ZCCHC4: variants seen among roughly 807,000 people sequenced by gnomAD.
The protein encoded by ZCCHC4 is zinc finger CCHC-type containing 4, also known as rRNA N(6)-adenosine-methyltransferase ZCCHC4.
In ZCCHC4, 54 loss-of-function variants were observed where a neutral mutation model predicts 67.7. That is an observed-to-expected ratio of 0.80 (90% CI 0.64 to 1.00). The LOEUF (loss-of-function observed/expected upper bound fraction) is 1.00, where lower values mean the gene tolerates loss of function less well. Ranked by LOEUF, ZCCHC4 falls within the 50% of genes least tolerant of loss-of-function variation. ZCCHC4 has a pLI of 0.00. For synonymous variants in ZCCHC4, 198 were observed against 213.5 expected, an observed-to-expected ratio of 0.93 and a Z score of 0.63; for missense variants, 609 against 617.0, an observed-to-expected ratio of 0.99 and a Z score of 0.14.
rs758313567 is a variant in ZCCHC4, at chr4:25,359,217, G to A, written c.1012-2642G>A. On this transcript the variant is annotated intron_variant, in intron 8 of 12. Transcript: ENST00000302874. This position sits in a 1 kb window ranked among gnomAD's most constrained non-coding sequence, Gnocchi z 4.9. The stretch of plus-strand genomic sequence containing the variant: ...AGCTAGAAATGCAGAGCACTGAGAA[G>A]GAATGAGCTTTTGCCAGCAGAGTTG... Among the ~76,000 whole-genome samples the A allele has an allele frequency of 6.6e-6, 1 of 152,162 alleles. No homozygotes were observed. Among genetic ancestry groups the A allele is most frequent in the Non-Finnish European group, 1.5e-5 (1 of 68,032 alleles).
chr4:25,363,853 A>T (rs573034861), intron 10 of ZCCHC4, among the ~76,000 whole-genome samples: 1 of 152,276 alleles, frequency 6.6e-6, no homozygotes, highest in East Asian at 1.9e-4. Flanking sequence ...AAGAGGTGTT[A>T]TTTGGAGGGG....
chr4:25,337,142 T>G (rs909959980), intron 5 of ZCCHC4, among the ~76,000 whole-genome samples: 4 of 152,226 alleles, frequency 2.6e-5, no homozygotes, highest in African/African-American at 9.6e-5. Context: ...GAATCAAAAC[T>G]GGTTTCTAGG....
chr4:25,316,477 C>T (rs1027936472), intron 3 of ZCCHC4, among the ~76,000 whole-genome samples: 61 of 152,320 alleles, frequency 4.0e-4, no homozygotes, highest in African/African-American at 1.4e-3. Context: ...CTTGCCAACA[C>T]CTATTATTTC....
chr4:25,337,229 T>A (rs752303220), intron 5 of ZCCHC4, among the ~76,000 whole-genome samples: 21 of 152,190 alleles, frequency 1.4e-4, no homozygotes, highest in Non-Finnish European at 2.2e-4. Context: ...TAAAAGAGAA[T>A]TTATTGATTT....
chr4:25,345,939 C>T lies in ZCCHC4; in HGVS notation c.759+319C>T, dbSNP rs1013653383. Among the ~76,000 whole-genome samples, 6 of 152,170 alleles carry T rather than the reference C, an allele frequency of 3.9e-5. No homozygotes were observed. The South Asian group carries it at 1.2e-3, about 32-fold the overall frequency. ...CCCTTTGCTGTCTGTGCTCAGGGCA[C>T]AGGGCTTTCATCTGGAACTGGTCAG... On this transcript the variant is annotated intron_variant, in intron 6 of 12. Coordinates refer to ENST00000302874, the MANE Select transcript of ZCCHC4 (RefSeq NM_024936.3).
chr4:25,362,359 A>G, intron 10 of ZCCHC4, 58 bp downstream of exon 10: 1 of 1,193,372 alleles, frequency 8.4e-7, no homozygotes, highest in Non-Finnish European at 1.2e-6. Flanking sequence ...ATTTTAGTTT[A>G]CTAGTTTTAT....
At chr4:25,351,738 A>G (rs1308265638) in intron 8 of ZCCHC4, 49 bp downstream of exon 8, 21 of 1,433,766 alleles carry the variant, frequency 1.5e-5, no homozygotes, top group Non-Finnish European at 1.9e-5. Flanking sequence ...TGGAGATTCT[A>G]CTTGAATAGA....
At chr4:25,367,615 AG>A (rs1271367291) in intron 12 of ZCCHC4, among the ~76,000 whole-genome samples, 8 of 152,212 alleles carry the variant, frequency 5.3e-5, no homozygotes, top group Admixed American at 2.6e-4. Flanking sequence ...AGATTTATAT[AG>A]TATGCATGAA....
chr4:25,338,817 G>A (rs1719594782), intron 5 of ZCCHC4, among the ~76,000 whole-genome samples: 1 of 152,122 alleles, frequency 6.6e-6, no homozygotes, highest in African/African-American at 2.4e-5. Context: ...GGACACTTGA[G>A]TTGCTTCCAC....
intron 6 of ZCCHC4, among the ~76,000 whole-genome samples, chr4:25,346,712 G>A (rs527402515): frequency 6.6e-6 from 1 of 152,258 alleles, no homozygotes; most frequent in South Asian, 2.1e-4. Flanking sequence ...TTAAAACAAG[G>A]TATTGAAATA....
chr4:25,315,244 A>C, intron 2 of ZCCHC4, 74 bp from the exon 3 acceptor site: 1 of 1,317,904 alleles, frequency 7.6e-7, no homozygotes, highest in Non-Finnish European at 1.0e-6. Flanking sequence ...TCTTGATGTC[A>C]GAATGTGATG....
At chr4:25,360,136 T>C (rs928716066) in intron 8 of ZCCHC4, among the ~76,000 whole-genome samples, 11 of 152,252 alleles carry the variant, frequency 7.2e-5, no homozygotes, top group African/African-American at 2.4e-4. Flanking sequence ...ACTTTCATAG[T>C]GTTGCCGCAG....
intron 12 of ZCCHC4, among the ~76,000 whole-genome samples, chr4:25,366,652 C>G (rs1720964835): frequency 6.6e-6 from 1 of 152,170 alleles, no homozygotes; most frequent in African/African-American, 2.4e-5. Flanking sequence ...TAGAATAAAC[C>G]TTCAAAAATT....
chr4:25,342,197 G>A (rs1213431750), intron 5 of ZCCHC4, among the ~76,000 whole-genome samples: 1 of 152,106 alleles, frequency 6.6e-6, no homozygotes, highest in African/African-American at 2.4e-5. Context: ...TCTGAGGCTG[G>A]TTACCTGTAT....
chr4:25,314,028 T>TTTTTTCTA lies in ZCCHC4; in HGVS notation c.128-16_128-15insTTTCTATT. 6.8e-7 allele frequency: 1 copy of TTTTTTCTA among 1,472,058 alleles called. No homozygotes were observed. The highest frequency in any genetic ancestry group is 9.2e-7 in the Non-Finnish European group (1 of 1,081,470). 91.2% of individuals were successfully genotyped at this position (1,472,058 alleles called of 1,614,324 possible). The stretch of plus-strand genomic sequence containing the variant: ...CATTACTTGACACTTTTTTTTTTTT[T>TTTTTTCTA]TTCTATTCTGGAACTAGGACCCACT... On this transcript the variant is annotated splice_polypyrimidine_tract_variant and intron_variant, in intron 1 of 12. Transcript: ENST00000302874.
At chr4:25,364,610 G>A (rs1408757656) in intron 11 of ZCCHC4, 105 bp downstream of exon 11, 4 of 983,100 alleles carry the variant, frequency 4.1e-6, no homozygotes, top group South Asian at 1.6e-5. Context: ...AATAATCAGT[G>A]TAGAGACTTG....
At chr4:25,337,902 T>C (rs1163886104) in intron 5 of ZCCHC4, among the ~76,000 whole-genome samples, 6 of 152,206 alleles carry the variant, frequency 3.9e-5, no homozygotes, top group Admixed American at 3.9e-4. Flanking sequence ...GATACCATAG[T>C]GCGTCTTCTC....
At chr4:25,354,659 C>T (rs1720440070) in intron 8 of ZCCHC4, among the ~76,000 whole-genome samples, 1 of 151,986 alleles carries the variant, frequency 6.6e-6, no homozygotes, top group Non-Finnish European at 1.5e-5. Flanking sequence ...ACTTTAACTT[C>T]ATTAAAATTT....
rs140157310 is a variant in ZCCHC4, at chr4:25,323,581, C to T, written c.329+8181C>T. On this transcript the variant is annotated intron_variant, in intron 3 of 12. Coordinates refer to ENST00000302874, the MANE Select transcript of ZCCHC4 (RefSeq NM_024936.3). ...AATTTAAATCCAGACCCAGATACTT[C>T]TTGAGACTGTAGGGGGAAGGAGGCA... Among the ~76,000 whole-genome samples the T allele has an allele frequency of 4.2e-4, 64 of 152,252 alleles. 1 individual carries two copies. In the East Asian group the frequency reaches 0.012, roughly 28 times the overall value.
Sources: gnomAD v4.1 joint callset for allele counts (sites outside exome capture counted in the v4.1 genomes callset) on GRCh38, gnomAD v4.1.1 for gene constraint, Gnocchi (gnomAD v3.1) non-coding constraint, MANE v1.5 for transcripts, NCBI Gene and HGNC (gene_info 2026-07-23, HGNC 2026-07-21) for gene names.